The following RFX2 variants were observed in gnomAD, a reference collection of about 807,000 sequenced individuals.
RFX2 encodes regulatory factor X2, also known as DNA-binding protein RFX2.
In RFX2, 20 loss-of-function variants were observed where a neutral mutation model predicts 87.8. The ratio of observed to expected loss-of-function variants is 0.23; its 90% CI spans 0.16 to 0.33. The LOEUF is 0.33. Among genes scored for constraint, RFX2 ranks in the 10% least tolerant of loss-of-function variants. The pLI, the probability that RFX2 is intolerant of heterozygous loss-of-function variation, is 1.00. For missense variants in RFX2, 767 were observed against 1,012.3 expected (o/e 0.76, Z 3.29); for synonymous variants, 397 against 431.3 (o/e 0.92, Z 0.98).
chr19:6,046,208 G>C (rs2087187519), intron 2 of RFX2, among the ~76,000 whole-genome samples: 1 of 152,208 alleles, frequency 6.6e-6, no homozygotes, highest in Non-Finnish European at 1.5e-5. Context: ...GCCTGAATGT[G>C]AAAATTCTCT....
At position 6,039,879 on chromosome 19, in the gene RFX2, C is replaced by A. The variant is rs1286717634; in HGVS notation, c.522+101G>T. On this transcript the variant is annotated intron_variant, in intron 5 of 17. Coordinates refer to ENST00000303657, the MANE Select transcript of RFX2 (RefSeq NM_000635.4). This position sits in a 1 kb window ranked among gnomAD's most constrained non-coding sequence, Gnocchi z 5.2. ...CGCCTGGGCCCAGAGCAGACGACAG[C>A]CCCTCCGGGCCTCCGGCTGCCTCTT... 15 of 1,378,548 alleles carry A rather than the reference C, an allele frequency of 1.1e-5. No homozygotes were observed. Among genetic ancestry groups the A allele is most frequent in the African/African-American group, 1.5e-5 (1 of 68,932 alleles). The allele number at this position is 1,378,548 out of a possible 1,614,324, so 85.4% of individuals were successfully genotyped here.
chr19:6,041,343 C>A lies in RFX2; in HGVS notation c.260+701G>T, dbSNP rs116630632. On this transcript the variant is annotated intron_variant, in intron 4 of 17. Transcript: ENST00000303657. ...CCCCTGCACTTGTGAGGGGAGCCATCCAGGCCAAATGGAAACAGACAAGCA... is the reference window on the plus strand; with the variant it reads ...CCCCTGCACTTGTGAGGGGAGCCATACAGGCCAAATGGAAACAGACAAGCA... Among the ~76,000 whole-genome samples the A allele has an allele frequency of 2.3e-3, 349 of 152,240 alleles. 1 individual carries two copies. The highest frequency in any genetic ancestry group is 8.2e-3 in the African/African-American group (339 of 41,546).
chr19:6,110,472 G>A lies in RFX2; in HGVS notation c.-88C>T, dbSNP rs954304624. On this transcript the variant is annotated 5_prime_UTR_variant, in exon 1 of 18. Coordinates refer to ENST00000303657, the MANE Select transcript of RFX2 (RefSeq NM_000635.4). This position sits in a 1 kb window ranked among gnomAD's most constrained non-coding sequence, Gnocchi z 4.3. ...GCTGCGTGTTGGTCCCCGTTGGTAA[G>A]TAACAGTCTCCACGGCTACAGTCTC... is the stretch of plus-strand genomic sequence containing the variant. 3 of 153,482 alleles carry A rather than the reference G, an allele frequency of 2.0e-5. No individual in the cohort carries two copies. The highest frequency in any genetic ancestry group is 7.2e-5 in the African/African-American group (3 of 41,408). 9.5% of individuals were successfully genotyped at this position (153,482 alleles called of 1,614,324 possible). A position where few individuals can be genotyped will look rare whatever the true frequency, so the allele number is the denominator to read the frequency against.
rs2144843853 is a variant in RFX2 at position 6,074,941 on chromosome 19, T to C, written c.-8-27437A>G. The stretch of plus-strand genomic sequence containing the variant: ...TGCTGAACTCCTCACCCCAAGGCAG[T>C]AGCTTTAGGAGGTGGGGCCTTTGGG... On this transcript the variant is annotated intron_variant, in intron 1 of 17. Coordinates refer to ENST00000303657, the MANE Select transcript of RFX2 (RefSeq NM_000635.4). This position sits in a 1 kb window ranked among gnomAD's most constrained non-coding sequence, Gnocchi z 5.2. Among the ~76,000 whole-genome samples, 1 of 152,170 alleles carries C rather than the reference T, an allele frequency of 6.6e-6. No individual in the cohort carries two copies. The highest frequency in any genetic ancestry group is 1.5e-5 in the Non-Finnish European group (1 of 67,992).
chr19:5,995,051 G>C (rs1164590946), intron 17 of RFX2, 101 bp from the exon 18 acceptor site: 38 of 916,510 alleles, frequency 4.1e-5, no homozygotes, highest in Admixed American at 8.3e-5. Flanking sequence ...GCCAGGCAGG[G>C]CACCGAGGAT....
intron 3 of RFX2, among the ~76,000 whole-genome samples, 190 bp from the exon 4 acceptor site, chr19:6,042,313 G>A (rs1295554427): frequency 6.6e-6 from 1 of 152,172 alleles, no homozygotes; most frequent in Non-Finnish European, 1.5e-5. Flanking sequence ...TATTCCAAAC[G>A]GGCCCACACA....
At chr19:6,086,153 ACCCAGTTTT>A (rs1257737284) in intron 1 of RFX2, among the ~76,000 whole-genome samples, 1 of 151,692 alleles carries the variant, frequency 6.6e-6, no homozygotes, top group Non-Finnish European at 1.5e-5. Context: ...GAATGTGGAA[ACCCAGTTTT>A]CCCAGCATCA....
chr19:6,008,070 C>A (rs369959298), intron 10 of RFX2, 36 bp downstream of exon 10: 1 of 1,452,628 alleles, frequency 6.9e-7, no homozygotes, highest in South Asian at 1.2e-5. Flanking sequence ...CCGGGAGGGA[C>A]ACGCAGGAGC....
chr19:5,995,712 A>G, intron 16 of RFX2, 69 bp from the exon 17 acceptor site: 2 of 1,391,588 alleles, frequency 1.4e-6, no homozygotes, highest in Non-Finnish European at 2.0e-6. Flanking sequence ...GGCTCGGGGG[A>G]TGCCGGCCCA....
In RFX2 at chr19:6,039,857, C is replaced by G. The variant is rs1355374872; in HGVS notation, c.522+123G>C. ...TGGCCCGACTCCATCGTGGGGCCGC[C>G]TGGGCCCAGAGCAGACGACAGCCCC... On this transcript the variant is annotated intron_variant, in intron 5 of 17. Transcript: ENST00000303657. This position sits in a 1 kb window ranked among gnomAD's most constrained non-coding sequence, Gnocchi z 5.2. The G allele has an allele frequency of 8.2e-7, 1 of 1,220,340 alleles. No homozygotes were observed. The allele number at this position is 1,220,340 out of a possible 1,614,324, so 75.6% of individuals were successfully genotyped here.
rs80174601 is a variant in RFX2 at position 6,074,465 on chromosome 19, T to C, written c.-8-26961A>G. 4.6e-3 allele frequency among the ~76,000 whole-genome samples: 698 copies of C among 152,106 alleles called. 8 individuals are homozygous for C. The East Asian group carries it at 0.071, about 16-fold the overall frequency. On this transcript the variant is annotated intron_variant, in intron 1 of 17. Transcript: ENST00000303657. This position sits in a 1 kb window ranked among gnomAD's most constrained non-coding sequence, Gnocchi z 5.2. ...GGCTTGAAGGGTGCCCATAACACAC[T>C]CCCTCAGAGCCTGGACACTCAGCCA...
rs2086442571 is a variant in RFX2, at chr19:5,998,120, C to T, written c.1860-907G>A. 6.6e-6 allele frequency among the ~76,000 whole-genome samples: 1 copy of T among 152,102 alleles called. No homozygotes were observed. Among genetic ancestry groups the T allele is most frequent in the Non-Finnish European group, 1.5e-5 (1 of 68,016 alleles). On this transcript the variant is annotated intron_variant, in intron 15 of 17. Transcript: ENST00000303657. The surrounding 1 kb of genome is among the most constrained non-coding windows in gnomAD (Gnocchi z 4.2). Reference sequence around the variant, plus strand: ...GTCAGGAGTTCTAGACCAGCCTGGCCAACATGGTGAAACGCCATCTCTACT... The same window carrying T: ...GTCAGGAGTTCTAGACCAGCCTGGCTAACATGGTGAAACGCCATCTCTACT...
At chr19:6,049,850 A>G (rs1475975048) in intron 1 of RFX2, among the ~76,000 whole-genome samples, 2 of 152,144 alleles carry the variant, frequency 1.3e-5, no homozygotes, top group South Asian at 2.1e-4. Flanking sequence ...TTAACACACT[A>G]TTTACCATGT....
chr19:6,108,515 C>T (rs2088256064), intron 1 of RFX2, among the ~76,000 whole-genome samples: 1 of 152,098 alleles, frequency 6.6e-6, no homozygotes, highest in Admixed American at 6.6e-5. Flanking sequence ...ATTATTATTA[C>T]TGTTACTTTG....
chr19:6,037,629 C>T (rs1479173368), intron 5 of RFX2, among the ~76,000 whole-genome samples: 1 of 152,184 alleles, frequency 6.6e-6, no homozygotes, highest in Non-Finnish European at 1.5e-5. Flanking sequence ...TAGTCAAAAT[C>T]TCAGTAGCAT....
chr19:6,036,926 T>C (rs941690224), intron 5 of RFX2, among the ~76,000 whole-genome samples: 9 of 152,142 alleles, frequency 5.9e-5, no homozygotes, highest in Non-Finnish European at 1.2e-4. Flanking sequence ...TTTCTTTTTG[T>C]CCATATTGGA....
chr19:6,071,951 G>A (rs940966728), intron 1 of RFX2: 2 of 152,092 alleles, frequency 1.3e-5, no homozygotes, highest in African/African-American at 2.4e-5. Context: ...ATTTTCTCCC[G>A]GTGTGGGGTT....
rs949182846 is a variant in RFX2 at position 6,023,048 on chromosome 19, C to T, written c.597+3115G>A. ...CCTTCTGCCCTCAAATGCTAAGCTC[C>T]CTGGAGTGACTTTTCCTCCTTTTTT... On this transcript the variant is annotated intron_variant, in intron 6 of 17. Transcript: ENST00000303657. This position sits in a 1 kb window ranked among gnomAD's most constrained non-coding sequence, Gnocchi z 4.9. 6.6e-6 allele frequency: 1 copy of T among 152,532 alleles called. No homozygotes were observed. The highest frequency in any genetic ancestry group is 6.5e-5 in the Admixed American group (1 of 15,286). 9.4% of individuals were successfully genotyped at this position (152,532 alleles called of 1,614,324 possible).
At chr19:6,042,000 T>A (rs1297749293) in intron 4 of RFX2, 44 bp downstream of exon 4, 4 of 1,546,026 alleles carry the variant, frequency 2.6e-6, no homozygotes, top group Non-Finnish European at 3.6e-6. Flanking sequence ...AAGGCTGGAG[T>A]CAGGGAGAGG....
Sources: gnomAD v4.1 joint callset for allele counts (sites outside exome capture counted in the v4.1 genomes callset) on GRCh38, gnomAD v4.1.1 for gene constraint, Gnocchi (gnomAD v3.1) non-coding constraint, MANE v1.5 for transcripts, NCBI Gene and HGNC (gene_info 2026-07-23, HGNC 2026-07-21) for gene names.